GTF2I: variants seen among roughly 807,000 people sequenced by gnomAD.
GTF2I encodes general transcription factor IIi, also known as general transcription factor II-I.
A neutral mutation model predicts 67.6 loss-of-function variants in GTF2I; 12 were observed. That is an observed-to-expected ratio of 0.18 (90% CI 0.11 to 0.29). GTF2I has a LOEUF of 0.29. Among genes scored for constraint, GTF2I ranks in the 10% least tolerant of loss-of-function variants. The pLI, the probability that GTF2I is intolerant of heterozygous loss-of-function variation, is 1.00. For synonymous variants in GTF2I, 149 were observed against 197.0 expected (o/e 0.76, Z 2.04); for missense variants, 271 against 580.1 (o/e 0.47, Z 5.47).
chr7:74,732,142 C>CATATAT (rs4028174), intron 14 of GTF2I, among the ~76,000 whole-genome samples: 3,050 of 145,884 alleles, frequency 0.021, 83 homozygotes, highest in African/African-American at 0.062. Context: ...TACACATATA[C>CATATAT]ATATATATAT....
intron 1 of GTF2I, among the ~76,000 whole-genome samples, chr7:74,674,849 C>A (rs969986372): frequency 6.8e-6 from 1 of 147,292 alleles, no homozygotes; most frequent in Non-Finnish European, 1.5e-5. Context: ...GCCCAGCCCT[C>A]TAATATATAT....
chr7:74,658,238 C>CCCCCTA (rs1353993865), intron 1 of GTF2I, among the ~76,000 whole-genome samples, 170 bp downstream of exon 1: 8 of 150,158 alleles, frequency 5.3e-5, no homozygotes, highest in Admixed American at 4.6e-4. Context: ...CGTGCCGCCT[C>CCCCCTA]CCCCTACCCC....
intron 14 of GTF2I, among the ~76,000 whole-genome samples, chr7:74,731,360 G>C (rs1284180874): frequency 1.4e-5 from 2 of 142,172 alleles, no homozygotes; most frequent in African/African-American, 5.2e-5. Context: ...CTTAAAATGA[G>C]CATTTTTTCT....
At chr7:74,665,334 C>A (rs1444333298) in intron 1 of GTF2I, among the ~76,000 whole-genome samples, 1 of 152,040 alleles carries the variant, frequency 6.6e-6, no homozygotes, top group African/African-American at 2.4e-5. Flanking sequence ...TCACTACAAC[C>A]CCTGCCTCTC....
intron 1 of GTF2I, among the ~76,000 whole-genome samples, chr7:74,664,629 C>T (rs1804809540): frequency 6.6e-6 from 1 of 151,994 alleles, no homozygotes; most frequent in African/African-American, 2.4e-5. Context: ...ATACAGGTTT[C>T]ACCATGTTGG....
In GTF2I at chr7:74,694,998, C is replaced by T. The variant is rs587606729; in HGVS notation, c.238+3887C>T. Reference sequence around the variant, plus strand: ...CACATCTCTTGATAGTGTTGTTCACCGAATATTTTAAGCCCACTTTTGAGA... The same window carrying T: ...CACATCTCTTGATAGTGTTGTTCACTGAATATTTTAAGCCCACTTTTGAGA... On this transcript the variant is annotated intron_variant, in intron 3 of 34. Coordinates refer to ENST00000573035, the MANE Select transcript of GTF2I (RefSeq NM_032999.4). Among the ~76,000 whole-genome samples, 23 of 152,194 alleles carry T rather than the reference C, an allele frequency of 1.5e-4. No homozygotes were observed. The South Asian group carries it at 4.1e-3, about 27-fold the overall frequency.
chr7:74,674,275 A>C (rs587762247), intron 1 of GTF2I, among the ~76,000 whole-genome samples: 5 of 152,074 alleles, frequency 3.3e-5, no homozygotes, highest in Non-Finnish European at 7.4e-5. Flanking sequence ...CTCTATTGCC[A>C]AGCTGGTGTC....
At chr7:74,702,875 G>A (rs1276694509) in intron 6 of GTF2I, among the ~76,000 whole-genome samples, 1 of 151,858 alleles carries the variant, frequency 6.6e-6, no homozygotes, top group Non-Finnish European at 1.5e-5. Context: ...TAGGACTACA[G>A]GCGTGTGCCA....
intron 3 of GTF2I, among the ~76,000 whole-genome samples, chr7:74,692,281 G>T (rs1788392650): frequency 6.6e-6 from 1 of 151,880 alleles, no homozygotes; most frequent in South Asian, 2.1e-4. Context: ...CTCCATGTTG[G>T]CCAGGCTGGT....
intron 1 of GTF2I, among the ~76,000 whole-genome samples, chr7:74,676,624 GTC>G (rs1246268721): frequency 2.6e-5 from 4 of 152,148 alleles, no homozygotes; most frequent in South Asian, 4.1e-4. Flanking sequence ...TATTTACAAA[GTC>G]TGTGTTTACA....
chr7:74,721,738 C>T (rs1231656651), intron 12 of GTF2I, among the ~76,000 whole-genome samples: 7 of 151,468 alleles, frequency 4.6e-5, no homozygotes, highest in Admixed American at 2.6e-4. Context: ...TTTAGATACC[C>T]GTAGTTAGGA....
At chr7:74,679,907 C>T (rs1021761990) in intron 1 of GTF2I, among the ~76,000 whole-genome samples, 1 of 151,424 alleles carries the variant, frequency 6.6e-6, no homozygotes, top group African/African-American at 2.4e-5. Context: ...GTGGTGAAAC[C>T]CCATTTTTAC....
Position 74,699,104 on chromosome 7 carries a change from A to T in GTF2I, c.373+9A>T. ...TTTCTGCTTTTGCTATGGTAAAAAC[A>T]ATAGATTTAATTTTTCTAAAAGATA... is the stretch of plus-strand genomic sequence containing the variant. On this transcript the variant is annotated intron_variant, in intron 4 of 34. Transcript: ENST00000573035. 6.9e-7 allele frequency: 1 copy of T among 1,439,466 alleles called. No homozygotes were observed. Among genetic ancestry groups the T allele is most frequent in the South Asian group, 1.5e-5 (1 of 66,832 alleles). The allele number at this position is 1,439,466 out of a possible 1,614,324, so 89.2% of individuals were successfully genotyped here. A position where few individuals can be genotyped will look rare whatever the true frequency, so the allele number is the denominator to read the frequency against.
intron 3 of GTF2I, 135 bp from the exon 4 acceptor site, chr7:74,698,826 C>G (rs782345541): frequency 2.7e-6 from 1 of 371,656 alleles, no homozygotes; most frequent in Non-Finnish European, 4.8e-6. Context: ...TAGTTTTTTC[C>G]TGTTAGAATA....
In GTF2I at chr7:74,671,225, T is replaced by C. The variant is rs782474712; in HGVS notation, c.-6+13157T>C. On this transcript the variant is annotated intron_variant, in intron 1 of 34. Coordinates refer to ENST00000573035, the MANE Select transcript of GTF2I (RefSeq NM_032999.4). ...CCTCAGCCTCCCGAGTAGCTGAGATTACAGGCGTGCACCACCACACCCGGC... is the reference window on the plus strand; with the variant it reads ...CCTCAGCCTCCCGAGTAGCTGAGATCACAGGCGTGCACCACCACACCCGGC... Among the ~76,000 whole-genome samples the C allele has an allele frequency of 3.2e-4, 48 of 151,730 alleles. 2 individuals carry two copies. Among genetic ancestry groups the C allele is most frequent in the Admixed American group, 1.4e-3 (21 of 15,192 alleles).
chr7:74,720,556 C>T (rs193218544), intron 12 of GTF2I, among the ~76,000 whole-genome samples: 426 of 152,028 alleles, frequency 2.8e-3, no homozygotes, highest in Non-Finnish European at 5.0e-3. Flanking sequence ...AAATTTAATT[C>T]GTTTTTAGTG....
intron 1 of GTF2I, chr7:74,687,596 C>T: frequency 1.0e-6 from 1 of 965,046 alleles, no homozygotes; most frequent in Non-Finnish European, 1.2e-6. Context: ...GTAATCTGGG[C>T]TAGCAGTTAA....
At chr7:74,704,149 C>T (rs1554400608) in intron 6 of GTF2I, among the ~76,000 whole-genome samples, 1 of 152,032 alleles carries the variant, frequency 6.6e-6, no homozygotes, top group East Asian at 1.9e-4. Context: ...CTGTCTTTGA[C>T]CATGAAGTAT....
intron 1 of GTF2I, among the ~76,000 whole-genome samples, chr7:74,683,475 CAAAAG>C (rs1383654355): frequency 2.0e-5 from 3 of 152,126 alleles, no homozygotes; most frequent in Non-Finnish European, 4.4e-5. Context: ...AGCAGGAACA[CAAAAG>C]AATGAGCAAA....
Sources: allele counts gnomAD v4.1 joint callset (sites outside exome capture counted in the v4.1 genomes callset), GRCh38; gene constraint gnomAD v4.1.1; transcripts MANE v1.5; gene names NCBI Gene and HGNC (gene_info 2026-07-23, HGNC 2026-07-21).